ACVR1C: variants seen among roughly 807,000 people sequenced by gnomAD.
ACVR1C encodes activin A receptor type 1C.
A neutral mutation model predicts 57.9 loss-of-function variants in ACVR1C; 23 were observed. The ratio of observed to expected loss-of-function variants is 0.40; its 90% CI spans 0.29 to 0.56. The LOEUF (loss-of-function observed/expected upper bound fraction) is 0.56, where lower values mean the gene tolerates loss of function less well. ACVR1C is among the 20% of genes least tolerant of loss of function. ACVR1C has a pLI of 0.50. For missense variants in ACVR1C, 480 were observed against 607.9 expected (o/e 0.79, Z 2.21); for synonymous variants, 214 against 215.3 (o/e 0.99, Z 0.05).
intron 1 of ACVR1C, among the ~76,000 whole-genome samples, chr2:157,606,646 A>ATTGT (rs374796376): frequency 8.1e-4 from 122 of 150,642 alleles, no homozygotes; most frequent in African/African-American, 2.3e-3. Context: ...TTTTAATAGG[A>ATTGT]TTGTTTGTTT....
chr2:157,555,829 G>A lies in ACVR1C; in HGVS notation c.544+264C>T, dbSNP rs114691255. Among the ~76,000 whole-genome samples, 2,066 of 152,150 alleles carry A rather than the reference G, an allele frequency of 0.014. 52 individuals carry two copies. The highest frequency in any genetic ancestry group is 0.046 in the African/African-American group (1,925 of 41,510). ...AGGAGAGAAGGGAAATTGCTTTTTT[G>A]CTTCAGAAATAAATTCTGAAGGAAA... is the stretch of plus-strand genomic sequence containing the variant. On this transcript the variant is annotated intron_variant, in intron 3 of 8. Transcript: ENST00000243349.
At chr2:157,554,211 GAAAGA>G in intron 3 of ACVR1C, among the ~76,000 whole-genome samples, 1 of 68,348 alleles carries the variant, frequency 1.5e-5, no homozygotes, top group South Asian at 4.2e-4. Context: ...GAGAAAGAAA[GAAAGA>G]AAGAAAGAAA....
intron 2 of ACVR1C, among the ~76,000 whole-genome samples, chr2:157,573,810 C>A (rs76512472): frequency 0.064 from 9,667 of 151,996 alleles, 465 homozygotes; most frequent in East Asian, 0.24. Context: ...AAAATACAAC[C>A]CAGCCATAAA....
chr2:157,555,101 C>CTTTTTTTTTTTTTTTTTTTTTTTTTT lies in ACVR1C; in HGVS notation c.544+966_544+991dup, dbSNP rs60269781. Among the ~76,000 whole-genome samples, 2 of 83,946 alleles carry CTTTTTTTTTTTTTTTTTTTTTTTTTT rather than the reference C, an allele frequency of 2.4e-5. 1 individual carries two copies. The highest frequency in any genetic ancestry group is 1.2e-4 in the African/African-American group (2 of 16,854). The allele number at this position is 83,946 out of a possible 152,430, so 55.1% of individuals were successfully genotyped here. On this transcript the variant is annotated intron_variant, in intron 3 of 8. Transcript: ENST00000243349. ...ATAATACAGCCTGGTACTTTGAACG[C>CTTTTTTTTTTTTTTTTTTTTTTTTTT]TTTTTTTTTTTTTTTTTTTTTTTTT...
At chr2:157,565,090 G>A (rs565856096) in intron 2 of ACVR1C, among the ~76,000 whole-genome samples, 45 of 152,106 alleles carry the variant, frequency 3.0e-4, no homozygotes, top group African/African-American at 1.0e-3. Flanking sequence ...AAACCTGCCC[G>A]TTCTGTACAT....
chr2:157,575,225 T>C (rs1230544964), intron 2 of ACVR1C, among the ~76,000 whole-genome samples: 1 of 131,968 alleles, frequency 7.6e-6, no homozygotes, highest in Non-Finnish European at 1.8e-5. Context: ...GCCTCCCGGG[T>C]TCAAGCGATT....
At position 157,611,439 on chromosome 2, in the gene ACVR1C, G is replaced by A. The variant is rs570748961; in HGVS notation, c.73+17133C>T. On this transcript the variant is annotated intron_variant, in intron 1 of 8. Transcript: ENST00000243349. The stretch of plus-strand genomic sequence containing the variant: ...CAGCAGTGGGCTGAGCATGCCTGTC[G>A]TTAGAGCCCAGGGTGGCATATGTTG... 1.4e-3 allele frequency among the ~76,000 whole-genome samples: 217 copies of A among 152,228 alleles called. 1 individual carries two copies. Among genetic ancestry groups the A allele is most frequent in the Middle Eastern group, 6.8e-3 (2 of 294 alleles).
chr2:157,548,651 C>T (rs902582084), intron 4 of ACVR1C, among the ~76,000 whole-genome samples: 1 of 151,808 alleles, frequency 6.6e-6, no homozygotes, highest in Non-Finnish European at 1.5e-5. Context: ...TGATCTTTGA[C>T]AAACCTGAGA....
intron 1 of ACVR1C, among the ~76,000 whole-genome samples, chr2:157,616,704 G>A (rs796606578): frequency 3.9e-5 from 6 of 152,182 alleles, no homozygotes; most frequent in African/African-American, 1.2e-4. Context: ...AAAGAGAGAA[G>A]CATGAAGTAA....
In ACVR1C at chr2:157,581,987, T is replaced by G. The variant is rs76212492; in HGVS notation, c.304+5200A>C. The stretch of plus-strand genomic sequence containing the variant: ...TGTTGGCACTAGCTTCATCATCCAG[T>G]GCTCAGCCTGAAAGTCCGCAACTTT... On this transcript the variant is annotated intron_variant, in intron 2 of 8. Coordinates refer to ENST00000243349, the MANE Select transcript of ACVR1C (RefSeq NM_145259.3). Among the ~76,000 whole-genome samples the G allele has an allele frequency of 4.9e-3, 753 of 152,258 alleles. 6 individuals carry two copies. Among genetic ancestry groups the G allele is most frequent in the African/African-American group, 0.017 (705 of 41,552 alleles).
At chr2:157,549,019 A>T (rs555900730) in intron 4 of ACVR1C, among the ~76,000 whole-genome samples, 2 of 152,322 alleles carry the variant, frequency 1.3e-5, no homozygotes, top group South Asian at 4.1e-4. Context: ...TTGGTTATTA[A>T]AATATTGAAA....
At chr2:157,628,279 C>T (rs1682948921) in intron 1 of ACVR1C, among the ~76,000 whole-genome samples, 1 of 152,138 alleles carries the variant, frequency 6.6e-6, no homozygotes, top group African/African-American at 2.4e-5. Context: ...GCAAACTGCC[C>T]ACAAATTAGT....
In ACVR1C at chr2:157,527,733, T is replaced by C. The variant is rs541350707; in HGVS notation, c.*6185A>G. 1 of 152,282 alleles carries C rather than the reference T, an allele frequency of 6.6e-6. No individual in the cohort carries two copies. The highest frequency in any genetic ancestry group is 2.4e-5 in the African/African-American group (1 of 41,574). 9.4% of individuals were successfully genotyped at this position (152,282 alleles called of 1,614,324 possible). ...GTATAAAGAGAAAAAAAGGGCTGTG[T>C]CCTTAAAAATACTTAGTTACTATTA... On this transcript the variant is annotated 3_prime_UTR_variant, in exon 9 of 9. Transcript: ENST00000243349.
At position 157,533,904 on chromosome 2, in the gene ACVR1C, C is replaced by G; in HGVS notation, c.*14G>C. 6.5e-7 allele frequency: 1 copy of G among 1,532,218 alleles called. No individual in the cohort carries two copies. The highest frequency in any genetic ancestry group is 8.7e-7 in the Non-Finnish European group (1 of 1,144,934). 94.9% of individuals were successfully genotyped at this position (1,532,218 alleles called of 1,614,324 possible). ...AAAGCTATGAGAGATTTCTTTTTAA[C>G]ATAATTATCATCATTAGGCTTTGCA... On this transcript the variant is annotated 3_prime_UTR_variant, in exon 9 of 9. Coordinates refer to ENST00000243349, the MANE Select transcript of ACVR1C (RefSeq NM_145259.3).
chr2:157,556,010 G>A (rs1423303409), intron 3 of ACVR1C, 83 bp downstream of exon 3: 10 of 1,421,458 alleles, frequency 7.0e-6, no homozygotes, highest in Non-Finnish European at 8.5e-6. Flanking sequence ...CATAATATTT[G>A]GGCCCTTTTT....
intron 2 of ACVR1C, among the ~76,000 whole-genome samples, chr2:157,583,803 A>G (rs542245538): frequency 6.6e-6 from 1 of 152,298 alleles, no homozygotes; most frequent in Non-Finnish European, 1.5e-5. Flanking sequence ...AAGAACTTCA[A>G]ATCCATATGG....
rs760039742 is a variant in ACVR1C, at chr2:157,538,609, A to C, written c.1320T>G (p.Phe440Leu). 14 of 1,580,416 alleles carry C rather than the reference A, an allele frequency of 8.9e-6. No homozygotes were observed. The highest frequency in any genetic ancestry group is 1.7e-6 in the Non-Finnish European group (2 of 1,163,962). The change falls in exon 8 of 9, where the codon TTT becomes TTG. Residue 440 changes from phenylalanine (F) to leucine (L), a missense_variant. Physicochemically the swap from Phe to Leu is conservative, Grantham distance 22. Coordinates refer to ENST00000243349, the MANE Select transcript of ACVR1C (RefSeq NM_145259.3). The part of the protein sequence containing the change: ...EMRKVVCDQK[F>L]RPSIPNQWQS... ...GCCACTGGTTTGGGATACTTGGTCG[A>C]AACTTCTGGTCACAAACAACCTTTC...
rs957487102 is a variant in ACVR1C, at chr2:157,527,556, A to C, written c.*6362T>G. On this transcript the variant is annotated 3_prime_UTR_variant, in exon 9 of 9. Coordinates refer to ENST00000243349, the MANE Select transcript of ACVR1C (RefSeq NM_145259.3). Reference sequence around the variant, plus strand: ...ATTCCTTTTTTGAGATCTGAATCTAATTTTCTGTTTTTAGGACATTTAAAA... The same window carrying C: ...ATTCCTTTTTTGAGATCTGAATCTACTTTTCTGTTTTTAGGACATTTAAAA... 12 of 152,178 alleles carry C rather than the reference A, an allele frequency of 7.9e-5. No homozygotes were observed. Among genetic ancestry groups the C allele is most frequent in the African/African-American group, 2.7e-4 (11 of 41,452 alleles). The allele number at this position is 152,178 out of a possible 1,614,324, so 9.4% of individuals were successfully genotyped here.
At chr2:157,603,020 A>G (rs1682314313) in intron 1 of ACVR1C, among the ~76,000 whole-genome samples, 1 of 152,174 alleles carries the variant, frequency 6.6e-6, no homozygotes, top group African/African-American at 2.4e-5. Context: ...CCTCTAAAAT[A>G]ATCCTGATGG....
Sources: allele counts gnomAD v4.1 joint callset (sites outside exome capture counted in the v4.1 genomes callset), GRCh38; gene constraint gnomAD v4.1.1; transcripts MANE v1.5; gene names NCBI Gene and HGNC (gene_info 2026-07-23, HGNC 2026-07-21).